Variants in CDK5RAP2 observed in about 807,000 individuals in gnomAD.
CDK5RAP2 encodes CDK5 regulatory subunit-associated protein 2.
Under a neutral mutation model 232.9 loss-of-function variants are expected in CDK5RAP2, and 147 were observed. That is an observed-to-expected ratio of 0.63 (90% CI 0.55 to 0.72). CDK5RAP2 has a LOEUF of 0.72. Among genes scored for constraint, CDK5RAP2 ranks in the 30% least tolerant of loss-of-function variants. The pLI, the probability that CDK5RAP2 is intolerant of heterozygous loss-of-function variation, is 0.00. For missense variants in CDK5RAP2, 2,195 were observed against 2,231.5 expected, an observed-to-expected ratio of 0.98 and a Z score of 0.33; for synonymous variants, 833 against 833.7, an observed-to-expected ratio of 1.00 and a Z score of 0.01.
At chr9:120,575,366 G>A (rs760402845) in intron 1 of CDK5RAP2, among the ~76,000 whole-genome samples, 21 of 152,070 alleles carry the variant, frequency 1.4e-4, no homozygotes, top group Non-Finnish European at 2.6e-4. Flanking sequence ...GCAACTGTTT[G>A]TGGATAATTT....
intron 30 of CDK5RAP2, 63 bp from the exon 31 acceptor site, chr9:120,408,531 A>T: frequency 1.9e-6 from 3 of 1,596,962 alleles, no homozygotes; most frequent in East Asian, 4.5e-5. Flanking sequence ...ACTTATTCAA[A>T]CCCCACAGAG....
Position 120,389,867 on chromosome 9 carries a change from T to C in CDK5RAP2, c.5579-80A>G, listed in dbSNP as rs543415242. On this transcript the variant is annotated intron_variant, in intron 36 of 37. Coordinates refer to ENST00000349780, the MANE Select transcript of CDK5RAP2 (RefSeq NM_018249.6). ...GTGTGAAAGCCAAGTGCAGGGAGGA[T>C]GAACCCCACCCCAAAGGGCTCGGAC... is the stretch of plus-strand genomic sequence containing the variant. 977 of 1,314,574 alleles carry C rather than the reference T, an allele frequency of 7.4e-4. 2 individuals are homozygous for C. Among genetic ancestry groups the C allele is most frequent in the Non-Finnish European group, 9.5e-4 (866 of 909,150 alleles). 81.4% of individuals were successfully genotyped at this position (1,314,574 alleles called of 1,614,324 possible).
At chr9:120,525,313 C>T (rs1031923939) in intron 10 of CDK5RAP2, among the ~76,000 whole-genome samples, 1 of 152,336 alleles carries the variant, frequency 6.6e-6, no homozygotes, top group African/African-American at 2.4e-5. Flanking sequence ...CCACCGCTCA[C>T]CCAGCTATTG....
At chr9:120,389,353 C>A (rs1446509520) in intron 37 of CDK5RAP2, 61 bp from the exon 38 acceptor site, 2 of 1,353,830 alleles carry the variant, frequency 1.5e-6, no homozygotes, top group Non-Finnish European at 2.1e-6. Context: ...TGAAGTAAGA[C>A]CCCGACAGAG....
chr9:120,405,989 T>C (rs764144469), intron 32 of CDK5RAP2, among the ~76,000 whole-genome samples: 10 of 152,228 alleles, frequency 6.6e-5, no homozygotes, highest in Non-Finnish European at 1.2e-4. Context: ...TAAAAAATGA[T>C]CAATGTGTAG....
intron 3 of CDK5RAP2, among the ~76,000 whole-genome samples, chr9:120,552,584 A>T (rs943924617): frequency 6.6e-6 from 1 of 151,800 alleles, no homozygotes; most frequent in African/African-American, 2.4e-5. Flanking sequence ...TCAGCAAACT[A>T]TCGCAAGGAT....
chr9:120,427,502 T>A (rs1039163957), intron 25 of CDK5RAP2, among the ~76,000 whole-genome samples: 3 of 152,148 alleles, frequency 2.0e-5, no homozygotes, highest in Non-Finnish European at 4.4e-5. Flanking sequence ...TCTGTCTGAC[T>A]CCAAAGGTCT....
intron 28 of CDK5RAP2, among the ~76,000 whole-genome samples, chr9:120,413,221 G>A (rs888014815): frequency 1.3e-5 from 2 of 152,196 alleles, no homozygotes; most frequent in South Asian, 2.1e-4. Context: ...GTTCCTGACC[G>A]ACCTAAACCT....
chr9:120,560,166 T>C (rs1455808853), intron 3 of CDK5RAP2, among the ~76,000 whole-genome samples: 1 of 152,252 alleles, frequency 6.6e-6, no homozygotes, highest in Non-Finnish European at 1.5e-5. Flanking sequence ...CTACCAGAGC[T>C]GCTACTTTTG....
At chr9:120,411,790 C>T (rs927455974) in intron 28 of CDK5RAP2, among the ~76,000 whole-genome samples, 4 of 152,120 alleles carry the variant, frequency 2.6e-5, no homozygotes, top group Non-Finnish European at 5.9e-5. Context: ...AGCTGCCTGC[C>T]GCGCCTCACC....
chr9:120,477,863 T>C (rs1350853268), intron 14 of CDK5RAP2, among the ~76,000 whole-genome samples: 1 of 152,200 alleles, frequency 6.6e-6, no homozygotes, highest in Non-Finnish European at 1.5e-5. Flanking sequence ...TACTGGGGAC[T>C]AGGGATTTAG....
chr9:120,561,049 C>T (rs1030087536), intron 3 of CDK5RAP2, among the ~76,000 whole-genome samples: 1 of 152,102 alleles, frequency 6.6e-6, no homozygotes, highest in Non-Finnish European at 1.5e-5. Context: ...AATTTTTTAA[C>T]CTTTTTGAAA....
intron 23 of CDK5RAP2, among the ~76,000 whole-genome samples, chr9:120,441,802 T>C (rs530103901): frequency 6.6e-6 from 1 of 152,320 alleles, no homozygotes; most frequent in African/African-American, 2.4e-5. Flanking sequence ...GTATTTTTAT[T>C]ATACACAATG....
chr9:120,471,899 G>C lies in CDK5RAP2; in HGVS notation c.1728-21C>G, dbSNP rs751076784. On this transcript the variant is annotated intron_variant, in intron 15 of 37. Coordinates refer to ENST00000349780, the MANE Select transcript of CDK5RAP2 (RefSeq NM_018249.6). ...TGATACTTGGTAAAACAAGACACCAGAAGTTTTAAAACAGACCTATTTGTA... is the reference window on the plus strand; with the variant it reads ...TGATACTTGGTAAAACAAGACACCACAAGTTTTAAAACAGACCTATTTGTA... The C allele has an allele frequency of 6.8e-6, 11 of 1,613,860 alleles. No individual in the cohort carries two copies. The South Asian group carries it at 9.9e-5, about 14-fold the overall frequency.
chr9:120,482,182 A>C (rs1461231006), intron 14 of CDK5RAP2, among the ~76,000 whole-genome samples: 1 of 152,156 alleles, frequency 6.6e-6, no homozygotes, highest in African/African-American at 2.4e-5. Flanking sequence ...AAAACAATAA[A>C]TATGGATTTC....
At chr9:120,478,086 T>C (rs983858838) in intron 14 of CDK5RAP2, among the ~76,000 whole-genome samples, 1 of 152,214 alleles carries the variant, frequency 6.6e-6, no homozygotes, top group African/African-American at 2.4e-5. Flanking sequence ...AATTTTTTAA[T>C]GTTCAAAATT....
At chr9:120,401,277 TG>T (rs1336889152) in intron 34 of CDK5RAP2, among the ~76,000 whole-genome samples, 2 of 151,886 alleles carry the variant, frequency 1.3e-5, no homozygotes, top group South Asian at 4.2e-4. Context: ...CCCTGTTAAA[TG>T]GCCCTGCTGT....
intron 3 of CDK5RAP2, among the ~76,000 whole-genome samples, chr9:120,557,982 T>C (rs1314399457): frequency 6.7e-6 from 1 of 149,216 alleles, no homozygotes; most frequent in East Asian, 2.1e-4. Context: ...GCCAGGCTGA[T>C]CTCGAACTCC....
intron 14 of CDK5RAP2, among the ~76,000 whole-genome samples, chr9:120,484,746 G>C (rs1408968056): frequency 7.2e-5 from 11 of 151,902 alleles, no homozygotes. Context: ...AATAAATAAA[G>C]AGACTGGGGC....
Sources: allele counts gnomAD v4.1 joint callset (sites outside exome capture counted in the v4.1 genomes callset), GRCh38; gene constraint gnomAD v4.1.1; transcripts MANE v1.5; gene names NCBI Gene and HGNC (gene_info 2026-07-23, HGNC 2026-07-21).